EXOC6: variants seen among roughly 807,000 people sequenced by gnomAD.
The protein encoded by EXOC6 is exocyst complex component 6, also known as SEC15-like 1.
EXOC6 carries 60 observed loss-of-function variants against 112.5 expected under a neutral mutation model. The ratio of observed to expected loss-of-function variants is 0.53; its 90% CI spans 0.43 to 0.66. The LOEUF is 0.66. Among genes scored for constraint, EXOC6 ranks in the 30% least tolerant of loss-of-function variants. The pLI, the probability that EXOC6 is intolerant of heterozygous loss-of-function variation, is 0.00. For synonymous variants in EXOC6, 295 were observed against 308.0 expected, an observed-to-expected ratio of 0.96 and a Z score of 0.44; for missense variants, 855 against 957.1, an observed-to-expected ratio of 0.89 and a Z score of 1.41.
At chr10:92,835,510 C>G (rs1846633822) in intron 1 of EXOC6, among the ~76,000 whole-genome samples, 1 of 152,130 alleles carries the variant, frequency 6.6e-6, no homozygotes, top group Non-Finnish European at 1.5e-5. Context: ...ACAAGATATT[C>G]ATCACTGAAT....
At chr10:92,946,067 G>A (rs1852974024) in intron 13 of EXOC6, among the ~76,000 whole-genome samples, 1 of 151,808 alleles carries the variant, frequency 6.6e-6, no homozygotes, top group Non-Finnish European at 1.5e-5. Flanking sequence ...AAGGTGGGTG[G>A]ATCACCAGGT....
intron 13 of EXOC6, among the ~76,000 whole-genome samples, chr10:92,944,773 ATTT>A (rs35127540): frequency 1.5e-5 from 2 of 137,262 alleles, no homozygotes; most frequent in Admixed American, 7.2e-5. Flanking sequence ...ACCTCGTTGT[ATTT>A]TTTTTTTTTT....
chr10:93,003,372 C>A (rs868169500), intron 19 of EXOC6, among the ~76,000 whole-genome samples: 3 of 152,064 alleles, frequency 2.0e-5, no homozygotes, highest in South Asian at 4.2e-4. Context: ...TGTTTTTGTT[C>A]GTTTTATTTT....
chr10:92,922,667 A>G (rs1029887455), intron 8 of EXOC6, among the ~76,000 whole-genome samples: 1 of 152,188 alleles, frequency 6.6e-6, no homozygotes, highest in African/African-American at 2.4e-5. Context: ...GCTGCACACA[A>G]TATTCACAAT....
At chr10:92,996,606 C>CA (rs34210520) in intron 18 of EXOC6, among the ~76,000 whole-genome samples, 97,397 of 141,864 alleles carry the variant, frequency 0.69, 32,660 homozygotes, top group East Asian at 0.84. Context: ...GACTCTGTCT[C>CA]AAAAAAAAAA....
intron 19 of EXOC6, chr10:92,999,292 G>A (rs1219459870): frequency 5.1e-6 from 2 of 393,182 alleles, no homozygotes; most frequent in Non-Finnish European, 9.9e-6. Context: ...CAAACTCCTG[G>A]CCTCAAGTCA....
At chr10:93,007,659 C>G (rs1294619425) in intron 19 of EXOC6, among the ~76,000 whole-genome samples, 3 of 152,034 alleles carry the variant, frequency 2.0e-5, no homozygotes, top group African/African-American at 7.2e-5. Flanking sequence ...TCTCCAAAAA[C>G]AAAACAAAAA....
At chr10:93,004,099 T>C (rs1365831686) in intron 19 of EXOC6, among the ~76,000 whole-genome samples, 1 of 152,172 alleles carries the variant, frequency 6.6e-6, no homozygotes, top group East Asian at 1.9e-4. Context: ...TGTTGAACTT[T>C]TCCATGTGAA....
intron 5 of EXOC6, chr10:92,901,543 G>C (rs749363636): frequency 6.7e-6 from 1 of 149,836 alleles, no homozygotes; most frequent in African/African-American, 2.4e-5. Flanking sequence ...AACTTCTCAA[G>C]CCAATTCCTG....
intron 12 of EXOC6, 94 bp downstream of exon 12, chr10:92,935,979 C>T (rs1036473580): frequency 1.3e-6 from 1 of 748,150 alleles, no homozygotes. Flanking sequence ...AGATTAGTGG[C>T]AGTAAATTAG....
At chr10:92,964,935 A>G (rs763501682) in intron 17 of EXOC6, among the ~76,000 whole-genome samples, 5 of 152,272 alleles carry the variant, frequency 3.3e-5, no homozygotes, top group Admixed American at 6.5e-5. Flanking sequence ...CCCAAACCTC[A>G]CATCGTCATG....
rs1846649016 is a variant in EXOC6 at position 93,058,504 on chromosome 10, A to G, written c.*149A>G. On this transcript the variant is annotated 3_prime_UTR_variant, in exon 22 of 22. Coordinates refer to ENST00000260762, the MANE Select transcript of EXOC6 (RefSeq NM_019053.6). ...GGGCTTAAACAAGAAATAGTAATAAATATCATTTGTATGGATTTTTAAATA... is the reference window on the plus strand; with the variant it reads ...GGGCTTAAACAAGAAATAGTAATAAGTATCATTTGTATGGATTTTTAAATA... The G allele has an allele frequency of 4.1e-6, 2 of 492,462 alleles. No homozygotes were observed. Among genetic ancestry groups the G allele is most frequent in the Non-Finnish European group, 6.7e-6 (2 of 299,450 alleles). 30.5% of individuals were successfully genotyped at this position (492,462 alleles called of 1,614,324 possible). A position where few individuals can be genotyped will look rare whatever the true frequency, so the allele number is the denominator to read the frequency against.
intron 1 of EXOC6, among the ~76,000 whole-genome samples, chr10:92,849,861 A>G (rs1487010044): frequency 6.6e-6 from 1 of 152,194 alleles, no homozygotes; most frequent in Non-Finnish European, 1.5e-5. Flanking sequence ...TCAGATGCCC[A>G]GGAAACTCAG....
rs543281489 is a variant in EXOC6, at chr10:93,044,431, A to G, written c.2170-12493A>G. Among the ~76,000 whole-genome samples, 218 of 152,328 alleles carry G rather than the reference A, an allele frequency of 1.4e-3. 1 individual carries two copies. The highest frequency in any genetic ancestry group is 1.7e-3 in the Non-Finnish European group (118 of 68,018). ...AGTAAGGTTATAAACTCTCCTAAAT[A>G]CAAATACTAACTGAGATATTATAAT... On this transcript the variant is annotated intron_variant, in intron 20 of 21. Coordinates refer to ENST00000260762, the MANE Select transcript of EXOC6 (RefSeq NM_019053.6).
intron 20 of EXOC6, among the ~76,000 whole-genome samples, chr10:93,026,825 C>G (rs1007237588): frequency 2.0e-5 from 3 of 152,152 alleles, no homozygotes; most frequent in African/African-American, 7.2e-5. Context: ...TGGAGCCTCC[C>G]TATTCCCTAA....
rs183376917 is a variant in EXOC6, at chr10:92,973,129, A to G, written c.1774-924A>G. 1.1e-3 allele frequency among the ~76,000 whole-genome samples: 172 copies of G among 152,326 alleles called. 1 individual carries two copies. Among genetic ancestry groups the G allele is most frequent in the African/African-American group, 3.8e-3 (160 of 41,566 alleles). The stretch of plus-strand genomic sequence containing the variant: ...TACTAGGCAAGTCCTGATTCAGGTC[A>G]AATAAAGACATCCCTGTAAATAGGC... On this transcript the variant is annotated intron_variant, in intron 17 of 21. Coordinates refer to ENST00000260762, the MANE Select transcript of EXOC6 (RefSeq NM_019053.6).
intron 17 of EXOC6, among the ~76,000 whole-genome samples, chr10:92,958,433 A>C (rs1338975258): frequency 6.6e-6 from 1 of 152,220 alleles, no homozygotes; most frequent in East Asian, 1.9e-4. Context: ...CAGTAATTGC[A>C]ACTGTAAATG....
chr10:92,930,296 A>C (rs1298479333), intron 9 of EXOC6, among the ~76,000 whole-genome samples: 5 of 152,146 alleles, frequency 3.3e-5, no homozygotes, highest in Non-Finnish European at 7.4e-5. Flanking sequence ...TAAGGTCAGG[A>C]GTTTGAGACC....
upstream of EXOC6, among the ~76,000 whole-genome samples, chr10:92,832,909 C>T (rs1246471295): frequency 4.6e-5 from 7 of 152,158 alleles, no homozygotes; most frequent in African/African-American, 1.2e-4. Context: ...GTGATCCACC[C>T]GCCTCGGATT....
Sources: gnomAD v4.1 joint callset for allele counts (sites outside exome capture counted in the v4.1 genomes callset) on GRCh38, gnomAD v4.1.1 for gene constraint, MANE v1.5 for transcripts, NCBI Gene and HGNC (gene_info 2026-07-23, HGNC 2026-07-21) for gene names.